Variants in HELZ observed in about 807,000 individuals in gnomAD.
HELZ encodes the protein ATP-dependent RNA helicase with zinc finger domain.
In HELZ, 23 loss-of-function variants were observed where a neutral mutation model predicts 218.2. The observed-to-expected ratio is 0.11, with a 90% CI of 0.08 to 0.15. The LOEUF (loss-of-function observed/expected upper bound fraction) is 0.15, where lower values mean the gene tolerates loss of function less well. Ranked by LOEUF, HELZ falls within the 10% of genes least tolerant of loss-of-function variation. HELZ has a pLI of 1.00. For missense variants in HELZ, 1,813 were observed against 2,353.7 expected, an observed-to-expected ratio of 0.77 and a Z score of 4.75; for synonymous variants, 814 against 829.4, an observed-to-expected ratio of 0.98 and a Z score of 0.32.
At chr17:67,145,975 C>T in intron 20 of HELZ, 85 bp from the exon 21 acceptor site, 1 of 1,164,730 alleles carries the variant, frequency 8.6e-7, no homozygotes, top group East Asian at 2.5e-5. Flanking sequence ...TCAGTCGATT[C>T]TAATAATATT....
intron 9 of HELZ, among the ~76,000 whole-genome samples, chr17:67,191,338 A>G (rs906089146): frequency 1.3e-5 from 2 of 152,250 alleles, no homozygotes; most frequent in Non-Finnish European, 2.9e-5. Context: ...AATTCAAGGG[A>G]ATAAATTATA....
intron 7 of HELZ, among the ~76,000 whole-genome samples, chr17:67,195,859 T>C (rs1304888361): frequency 1.4e-5 from 2 of 148,044 alleles, no homozygotes; most frequent in Admixed American, 6.7e-5. Context: ...TTTCTTTTTT[T>C]TTTTTTTTTT....
chr17:67,215,583 G>A (rs1489694282), intron 5 of HELZ, among the ~76,000 whole-genome samples: 2 of 152,122 alleles, frequency 1.3e-5, no homozygotes, highest in Non-Finnish European at 2.9e-5. Flanking sequence ...TCCAGATCTT[G>A]TGATCTGCCC....
chr17:67,169,991 A>C (rs957640630), intron 13 of HELZ, among the ~76,000 whole-genome samples: 2 of 152,220 alleles, frequency 1.3e-5, no homozygotes, highest in East Asian at 3.9e-4. Flanking sequence ...GCTGAAGAAT[A>C]ATCTCCTTTG....
At chr17:67,145,000 T>C (rs760847725) in intron 21 of HELZ, among the ~76,000 whole-genome samples, 1 of 152,090 alleles carries the variant, frequency 6.6e-6, no homozygotes, top group Non-Finnish European at 1.5e-5. Context: ...AACGGAAAAA[T>C]GAATTCCTAC....
chr17:67,209,664 A>G (rs1489695667), intron 5 of HELZ, among the ~76,000 whole-genome samples: 3 of 152,226 alleles, frequency 2.0e-5, no homozygotes, highest in Admixed American at 6.5e-5. Context: ...AAGCAAAGCA[A>G]CATGCCCTTT....
chr17:67,178,118 TA>T (rs1292405714), intron 13 of HELZ, among the ~76,000 whole-genome samples: 2 of 152,212 alleles, frequency 1.3e-5, no homozygotes, highest in African/African-American at 2.4e-5. Flanking sequence ...TTTCCTAAAA[TA>T]ATTCAAATAA....
chr17:67,188,679 C>T lies in HELZ; in HGVS notation c.865-63G>A, dbSNP rs1598394321. The T allele has an allele frequency of 7.6e-6, 10 of 1,310,706 alleles. No homozygotes were observed. In the East Asian group the frequency reaches 1.9e-4, roughly 24 times the overall value. The allele number at this position is 1,310,706 out of a possible 1,614,324, so 81.2% of individuals were successfully genotyped here. A position where few individuals can be genotyped will look rare whatever the true frequency, so the allele number is the denominator to read the frequency against. On this transcript the variant is annotated intron_variant, in intron 11 of 32. Coordinates refer to ENST00000358691, the MANE Select transcript of HELZ (RefSeq NM_014877.4). The surrounding 1 kb of genome is among the most constrained non-coding windows in gnomAD (Gnocchi z 4.1). The stretch of plus-strand genomic sequence containing the variant: ...GGTGAAAAATCCAATTGTAATTGGG[C>T]TCTTCAATGAAAATATTTCCATAAG...
In HELZ at chr17:67,107,506, T is replaced by C. The variant is rs768954242; in HGVS notation, c.4904A>G (p.Asn1635Ser). 2.7e-5 allele frequency: 44 copies of C among 1,614,066 alleles called. No homozygotes were observed. The highest frequency in any genetic ancestry group is 4.0e-5 in the African/African-American group (3 of 74,920). ...TDHSSHFSNFNDNSRDIEVAS... is the reference protein window; with the variant it reads ...TDHSSHFSNFSDNSRDIEVAS... ...TACTTCAATGTCTCTGCTGTTATCA[T>C]TAAAGTTAGAAAAGTGGCTACTGTG... The change falls in exon 31 of 33, where the codon AAT (asparagine) becomes AGT (serine). Residue 1635 changes from asparagine to serine, a missense_variant. Transcript: ENST00000358691.
At chr17:67,157,296 A>AG (rs370028304) in intron 17 of HELZ, among the ~76,000 whole-genome samples, 57 of 152,272 alleles carry the variant, frequency 3.7e-4, no homozygotes, top group Admixed American at 3.7e-3. Context: ...TTCCTCAAAG[A>AG]GGGGGGAAAA....
intron 9 of HELZ, among the ~76,000 whole-genome samples, chr17:67,191,615 C>T (rs759208348): frequency 5.3e-5 from 8 of 151,732 alleles, no homozygotes; most frequent in Non-Finnish European, 1.2e-4. Context: ...CCACAATGCC[C>T]GGCTAGTTTT....
At chr17:67,125,245 T>C (rs1451607419) in intron 24 of HELZ, among the ~76,000 whole-genome samples, 1 of 130,056 alleles carries the variant, frequency 7.7e-6, no homozygotes, top group African/African-American at 3.0e-5. Flanking sequence ...AGTTGGTCCA[T>C]TAACCTCAAG....
At chr17:67,143,957 T>C (rs967339149) in intron 21 of HELZ, among the ~76,000 whole-genome samples, 5 of 152,224 alleles carry the variant, frequency 3.3e-5, no homozygotes, top group African/African-American at 1.2e-4. Context: ...ATTTTAACTC[T>C]ATGTAAGACT....
intron 32 of HELZ, among the ~76,000 whole-genome samples, chr17:67,080,214 G>A (rs186519877): frequency 2.0e-5 from 3 of 152,170 alleles, no homozygotes; most frequent in Admixed American, 2.0e-4. Context: ...ATCATTTATT[G>A]AATAATCCAT....
At chr17:67,179,466 A>T (rs951030549) in intron 12 of HELZ, 1 of 152,536 alleles carries the variant, frequency 6.6e-6, no homozygotes, top group African/African-American at 2.4e-5. Context: ...AAACACTGCT[A>T]AGTCCTTATT....
At chr17:67,167,896 A>AT (rs2039194272) in intron 13 of HELZ, 100 bp from the exon 14 acceptor site, 1 of 773,596 alleles carries the variant, frequency 1.3e-6, no homozygotes, top group South Asian at 2.0e-5. Flanking sequence ...CATACCAAAA[A>AT]TTAAACCATT....
intron 3 of HELZ, among the ~76,000 whole-genome samples, chr17:67,236,984 C>G (rs1400804758): frequency 6.6e-6 from 1 of 152,146 alleles, no homozygotes; most frequent in African/African-American, 2.4e-5. Flanking sequence ...CTCAATTGGT[C>G]CTCTGATCAT....
chr17:67,124,986 A>G (rs1249040130), intron 24 of HELZ, among the ~76,000 whole-genome samples: 1 of 151,746 alleles, frequency 6.6e-6, no homozygotes, highest in Non-Finnish European at 1.5e-5. Context: ...GTAAATTTGT[A>G]AATTACATCT....
chr17:67,205,879 T>C (rs1598420734), intron 5 of HELZ, among the ~76,000 whole-genome samples: 1 of 152,252 alleles, frequency 6.6e-6, no homozygotes, highest in Admixed American at 6.5e-5. Context: ...ACTGACATAC[T>C]TTCTTCCTGT....
Sources: allele counts gnomAD v4.1 joint callset (sites outside exome capture counted in the v4.1 genomes callset), GRCh38; gene constraint gnomAD v4.1.1; non-coding constraint Gnocchi (gnomAD v3.1); transcripts MANE v1.5; gene names NCBI Gene and HGNC (gene_info 2026-07-23, HGNC 2026-07-21).